The following FAT4 variants were observed in gnomAD, a reference collection of about 807,000 sequenced individuals.
FAT4 encodes FAT atypical cadherin 4, also known as protocadherin Fat 4.
In FAT4, 84 loss-of-function variants were observed where a neutral mutation model predicts 303.9. The observed-to-expected ratio is 0.28, with a 90% CI of 0.23 to 0.33. FAT4 has a LOEUF of 0.33. Ranked by LOEUF, FAT4 falls within the 10% of genes least tolerant of loss-of-function variation. The probability of loss-of-function intolerance (pLI) is 1.00; values close to 1 mark genes in which losing one functional copy is unlikely to be tolerated. For missense variants in FAT4, 6,005 were observed against 6,146.8 expected (o/e 0.98, Z 0.77); for synonymous variants, 2,307 against 2,298.8 (o/e 1.00, Z -0.10).
At chr4:125,399,390 A>G (rs1734298957) in intron 3 of FAT4, among the ~76,000 whole-genome samples, 1 of 151,974 alleles carries the variant, frequency 6.6e-6, no homozygotes, top group Non-Finnish European at 1.5e-5. Flanking sequence ...ATGGCATGGA[A>G]ACAAATACTT....
At chr4:125,387,497 T>G (rs896336261) in intron 2 of FAT4, among the ~76,000 whole-genome samples, 3 of 152,172 alleles carry the variant, frequency 2.0e-5, no homozygotes, top group Non-Finnish European at 2.9e-5. Flanking sequence ...TTTGTTTAAA[T>G]TTTCTATTCT....
intron 15 of FAT4, 67 bp from the exon 16 acceptor site, chr4:125,481,454 T>A: frequency 3.6e-6 from 5 of 1,384,686 alleles, no homozygotes; most frequent in Non-Finnish European, 5.1e-6. Context: ...TTTTTGTCAC[T>A]ATAGAAAACA....
chr4:125,468,420 T>C lies in FAT4; in HGVS notation c.11906-92T>C, dbSNP rs546217443. On this transcript the variant is annotated intron_variant, in intron 11 of 17. Transcript: ENST00000394329. ...AAGTAAAAAAAGTTGTTAAAAGATA[T>C]CTCATTTTATAATTCAAAAATATTT... 7 of 932,072 alleles carry C rather than the reference T, an allele frequency of 7.5e-6. No individual in the cohort carries two copies. The Admixed American group carries it at 1.5e-4, about 20-fold the overall frequency. The allele number at this position is 932,072 out of a possible 1,614,324, so 57.7% of individuals were successfully genotyped here.
chr4:125,324,736 T>G (rs1731087253), intron 2 of FAT4, among the ~76,000 whole-genome samples: 1 of 152,290 alleles, frequency 6.6e-6, no homozygotes, highest in Non-Finnish European at 1.5e-5. Context: ...GACCCCTTTA[T>G]GCTCTTAAGA....
At chr4:125,368,325 A>G (rs1296712429) in intron 2 of FAT4, among the ~76,000 whole-genome samples, 2 of 151,992 alleles carry the variant, frequency 1.3e-5, no homozygotes, top group East Asian at 1.9e-4. Flanking sequence ...GGGAAGCTCC[A>G]TAGCATTAGT....
intron 2 of FAT4, among the ~76,000 whole-genome samples, chr4:125,376,855 A>G (rs1733346346): frequency 6.6e-6 from 1 of 152,194 alleles, no homozygotes; most frequent in South Asian, 2.1e-4. Flanking sequence ...ATTGCACTCC[A>G]GCCTGGGCAA....
Position 125,487,511 on chromosome 4 carries a change from T to C in FAT4, c.12989T>C (p.Ile4330Thr), listed in dbSNP as rs756865583. The C allele has an allele frequency of 3.1e-6, 5 of 1,613,918 alleles. No individual in the cohort carries two copies. Among genetic ancestry groups the C allele is most frequent in the East Asian group, 2.2e-5 (1 of 44,880 alleles). ...GTTGACAGAATATATAACAGAGATA[T>C]TATCCACCCTACTCAGGACTTCGGT... ...LSVDRIYNRD[I>T]IHPTQDFGGL... The change falls in exon 17 of 18, where the codon ATT becomes ACT. Residue 4330 changes from isoleucine to threonine, a missense_variant. Ile to Thr is a moderately conservative substitution (Grantham distance 89). Transcript: ENST00000394329.
chr4:125,337,904 A>ATC (rs1409192531), intron 2 of FAT4, among the ~76,000 whole-genome samples: 1 of 152,128 alleles, frequency 6.6e-6, no homozygotes, highest in Non-Finnish European at 1.5e-5. Context: ...GTATCACAGT[A>ATC]TCAGTTGCCT....
chr4:125,440,448 C>T (rs1048445455), intron 8 of FAT4, among the ~76,000 whole-genome samples: 2 of 151,906 alleles, frequency 1.3e-5, no homozygotes, highest in Non-Finnish European at 2.9e-5. Flanking sequence ...GGCATTTTTT[C>T]CTGCTCAATG....
intron 2 of FAT4, among the ~76,000 whole-genome samples, chr4:125,333,643 C>T (rs1330566502): frequency 6.6e-6 from 1 of 152,120 alleles, no homozygotes; most frequent in South Asian, 2.1e-4. Context: ...TTCTGTAAAA[C>T]TGTAGCTTAA....
At chr4:125,472,412 T>G (rs186735354) in intron 12 of FAT4, among the ~76,000 whole-genome samples, 1 of 152,310 alleles carries the variant, frequency 6.6e-6, no homozygotes, top group Admixed American at 6.5e-5. Flanking sequence ...AAGTAATATT[T>G]AAAATGTTTT....
chr4:125,424,589 A>C (rs183583299), intron 7 of FAT4, among the ~76,000 whole-genome samples: 1 of 152,320 alleles, frequency 6.6e-6, no homozygotes, highest in East Asian at 1.9e-4. Flanking sequence ...GGGCTTATTG[A>C]TATTTAACAA....
intron 2 of FAT4, among the ~76,000 whole-genome samples, chr4:125,340,801 G>A (rs75118220): frequency 0.064 from 9,672 of 152,192 alleles, 522 homozygotes; most frequent in East Asian, 0.19. Flanking sequence ...AACAGTAGTA[G>A]TAGTAGGATA....
intron 3 of FAT4, among the ~76,000 whole-genome samples, 169 bp from the exon 4 acceptor site, chr4:125,406,711 C>T (rs995441734): frequency 2.0e-5 from 3 of 152,038 alleles, no homozygotes; most frequent in Non-Finnish European, 4.4e-5. Context: ...AAGCTTTTAC[C>T]GCCTTCGTTA....
Position 125,479,875 on chromosome 4 carries a change from G to T in FAT4, c.12604+10G>T, listed in dbSNP as rs765032032. 1.2e-5 allele frequency: 19 copies of T among 1,536,012 alleles called. No individual in the cohort carries two copies. The highest frequency in any genetic ancestry group is 1.7e-5 in the Non-Finnish European group (19 of 1,131,650). On this transcript the variant is annotated intron_variant, in intron 15 of 17. Transcript: ENST00000394329. ...AAATACTGTGAAAAATGTATGTAAG[G>T]TCTTCCGTCTTCCCCTGGAAATTTT...
chr4:125,317,052 C>T lies in FAT4; in HGVS notation c.641C>T (p.Pro214Leu), dbSNP rs910813145. Residue 214 changes from proline (P) to leucine (L), a missense_variant, in exon 2 of 18, where the codon CCG becomes CTG. Physicochemically the swap from Pro to Leu is moderately conservative, Grantham distance 98. Transcript: ENST00000394329. This position sits in a 1 kb window ranked among gnomAD's most constrained non-coding sequence, Gnocchi z 7.0. ...GGCGGACTGGACCGTGAGGTCACTC[C>T]GCAGTACCAGCTCCTGGTTGAGGTG... ...SKGGLDREVT[P>L]QYQLLVEVED... 4 of 1,614,044 alleles carry T rather than the reference C, an allele frequency of 2.5e-6. No individual in the cohort carries two copies. Among genetic ancestry groups the T allele is most frequent in the Non-Finnish European group, 3.4e-6 (4 of 1,180,046 alleles).
At chr4:125,373,823 A>T (rs1231434703) in intron 2 of FAT4, among the ~76,000 whole-genome samples, 1 of 152,226 alleles carries the variant, frequency 6.6e-6, no homozygotes, top group Non-Finnish European at 1.5e-5. Flanking sequence ...GGGCTACGGC[A>T]TTCATGCCTT....
Position 125,450,331 on chromosome 4 carries a change from G to A in FAT4, c.9321G>A (p.Gly3107=). Residue 3107 remains glycine, a synonymous_variant, in exon 10 of 18, where the codon GGG becomes GGA. Coordinates refer to ENST00000394329, the MANE Select transcript of FAT4 (RefSeq NM_001291303.3). ...SATIPESHSI[G]SIVRTVSARD... is the part of the protein sequence containing the mutation. ...CCATCCCTGAGAGCCATAGCATTGG[G>A]TCCATTGTCAGAACTGTTTCTGCAA... 2 of 1,614,104 alleles carry A rather than the reference G, an allele frequency of 1.2e-6. No individual in the cohort carries two copies. The highest frequency in any genetic ancestry group is 2.2e-5 in the East Asian group (1 of 44,874).
intron 7 of FAT4, among the ~76,000 whole-genome samples, chr4:125,423,575 G>A (rs1054129610): frequency 6.6e-6 from 1 of 152,214 alleles, no homozygotes; most frequent in African/African-American, 2.4e-5. Flanking sequence ...AAATTTAATT[G>A]TTAAATAAAG....
Sources: gnomAD v4.1 joint callset for allele counts (sites outside exome capture counted in the v4.1 genomes callset) on GRCh38, gnomAD v4.1.1 for gene constraint, Gnocchi (gnomAD v3.1) non-coding constraint, MANE v1.5 for transcripts, NCBI Gene and HGNC (gene_info 2026-07-23, HGNC 2026-07-21) for gene names.